Variants in ABCC4 observed in about 807,000 individuals in gnomAD.
The protein encoded by ABCC4 is ATP binding cassette subfamily C member 4 (PEL blood group).
A neutral mutation model predicts 168.5 loss-of-function variants in ABCC4; 102 were observed. The ratio of observed to expected loss-of-function variants is 0.61; its 90% CI spans 0.52 to 0.71. ABCC4 has a LOEUF of 0.71. Among genes scored for constraint, ABCC4 ranks in the 30% least tolerant of loss-of-function variants. ABCC4 has a pLI of 0.00. For missense variants in ABCC4, 1,402 were observed against 1,605.8 expected (o/e 0.87, Z 2.17); for synonymous variants, 617 against 590.7 (o/e 1.04, Z -0.65).
rs146558481 is a variant in ABCC4 at position 95,255,492 on chromosome 13, G to A, written c.75-7739C>T. On this transcript the variant is annotated intron_variant, in intron 1 of 30. Transcript: ENST00000645237. ...CAGGCATCGCTGGAATGGATCTCGCGTGAGGGTAGAGCACCCACACCACAG... is the reference window on the plus strand; with the variant it reads ...CAGGCATCGCTGGAATGGATCTCGCATGAGGGTAGAGCACCCACACCACAG... 9.1e-4 allele frequency among the ~76,000 whole-genome samples: 138 copies of A among 152,238 alleles called. 1 individual carries two copies. Among genetic ancestry groups the A allele is most frequent in the African/African-American group, 2.9e-3 (120 of 41,536 alleles).
chr13:95,104,944 C>T (rs1028128611), intron 20 of ABCC4, among the ~76,000 whole-genome samples: 4 of 152,056 alleles, frequency 2.6e-5, no homozygotes, highest in Admixed American at 2.6e-4. Flanking sequence ...CCATGGATGG[C>T]GATGGAGGTA....
At chr13:95,231,549 C>A (rs1445591432) in intron 4 of ABCC4, among the ~76,000 whole-genome samples, 1 of 152,192 alleles carries the variant, frequency 6.6e-6, no homozygotes, top group Non-Finnish European at 1.5e-5. Context: ...CAGAGTCCTG[C>A]TGCAGAGCCA....
In ABCC4 at chr13:95,170,516, T is replaced by C; in HGVS notation, c.1824+16A>G. 6.3e-7 allele frequency: 1 copy of C among 1,576,148 alleles called. No individual in the cohort carries two copies. The highest frequency in any genetic ancestry group is 1.1e-5 in the South Asian group (1 of 88,114). On this transcript the variant is annotated intron_variant, in intron 14 of 30. Transcript: ENST00000645237. The stretch of plus-strand genomic sequence containing the variant: ...CAAGTACTTGCAAGTTCGGGAGACC[T>C]CTAGAAACTACTTACATCTTTCAAT...
Position 95,021,618 on chromosome 13 carries a change from T to G in ABCC4, c.3935A>C (p.Asn1312Thr). The change falls in exon 31 of 31, where the codon AAT becomes ACT. Residue 1312 changes from asparagine to threonine, a missense_variant. Physicochemically the swap from Asn to Thr is moderately conservative, Grantham distance 65. Coordinates refer to ENST00000645237, the MANE Select transcript of ABCC4 (RefSeq NM_005845.5). ...HTDHMVTNTS[N>T]GQPSTLTIFE... ...AATAGTTAAGGTCGAGGGCTGTCCA[T>G]TGGAAGTGTTTGTAACCATGTGGTC... The G allele has an allele frequency of 6.2e-7, 1 of 1,613,504 alleles. No individual in the cohort carries two copies. The highest frequency in any genetic ancestry group is 1.1e-5 in the South Asian group (1 of 91,058).
At chr13:95,294,450 A>G (rs1367491559) in intron 1 of ABCC4, among the ~76,000 whole-genome samples, 3 of 152,110 alleles carry the variant, frequency 2.0e-5, no homozygotes, top group Non-Finnish European at 4.4e-5. Flanking sequence ...AACACCATAC[A>G]TTTACTCCTA....
chr13:95,054,991 TA>T lies in ABCC4; in HGVS notation c.3367-1808del, dbSNP rs1045003623. Among the ~76,000 whole-genome samples, 85 of 152,208 alleles carry T rather than the reference TA, an allele frequency of 5.6e-4. 2 individuals are homozygous for T. The highest frequency in any genetic ancestry group is 1.9e-3 in the African/African-American group (78 of 41,524). ...CAAAATGCAAAAATGGAAACGACGG[TA>T]AAATGGGCACTTTGTGTGTATAAAG... On this transcript the variant is annotated intron_variant, in intron 26 of 30. Coordinates refer to ENST00000645237, the MANE Select transcript of ABCC4 (RefSeq NM_005845.5).
chr13:95,118,445 C>T (rs1353670839), intron 19 of ABCC4, among the ~76,000 whole-genome samples: 1 of 152,000 alleles, frequency 6.6e-6, no homozygotes, highest in Non-Finnish European at 1.5e-5. Context: ...GGTTTCACCA[C>T]GTTGGTCAGG....
intron 4 of ABCC4, among the ~76,000 whole-genome samples, chr13:95,230,399 T>G (rs536676810): frequency 6.6e-6 from 1 of 152,338 alleles, no homozygotes; most frequent in East Asian, 1.9e-4. Context: ...AAAAACAGTA[T>G]GATGGTTCCT....
Position 95,075,650 on chromosome 13 carries a change from G to A in ABCC4, c.2687-99C>T, listed in dbSNP as rs2033874511. ...GTCACGTATCCACCAAACAGCACAC[G>A]CAGGCCTCCTAGGAGGCTTCATGTT... On this transcript the variant is annotated intron_variant, in intron 21 of 30. Coordinates refer to ENST00000645237, the MANE Select transcript of ABCC4 (RefSeq NM_005845.5). 7.3e-6 allele frequency: 11 copies of A among 1,504,162 alleles called. No individual in the cohort carries two copies. The Admixed American group carries it at 1.0e-4, about 14-fold the overall frequency. The allele number at this position is 1,504,162 out of a possible 1,614,324, so 93.2% of individuals were successfully genotyped here.
chr13:95,183,221 C>T (rs1309808052), intron 11 of ABCC4, among the ~76,000 whole-genome samples: 1 of 152,102 alleles, frequency 6.6e-6, no homozygotes, highest in Non-Finnish European at 1.5e-5. Context: ...TTGCATTTTA[C>T]AGACATTGCC....
intron 4 of ABCC4, among the ~76,000 whole-genome samples, chr13:95,227,963 G>GC (rs2039511927): frequency 6.6e-6 from 1 of 152,164 alleles, no homozygotes. Context: ...ACCCACCTTG[G>GC]CCTCCCATAG....
At chr13:95,066,105 C>T (rs1209865367) in intron 25 of ABCC4, among the ~76,000 whole-genome samples, 2 of 152,210 alleles carry the variant, frequency 1.3e-5, no homozygotes, top group East Asian at 3.8e-4. Flanking sequence ...GTGTTATTCA[C>T]CTGGTAGTTC....
At chr13:95,052,986 C>G in intron 27 of ABCC4, 109 bp downstream of exon 27, 5 of 924,846 alleles carry the variant, frequency 5.4e-6, no homozygotes, top group Non-Finnish European at 8.7e-6. Flanking sequence ...GGGTGGTGAA[C>G]AAAGTTAGTT....
Position 95,217,460 on chromosome 13 carries a change from G to A in ABCC4, c.532-6679C>T, listed in dbSNP as rs186574933. Among the ~76,000 whole-genome samples the A allele has an allele frequency of 1.6e-3, 248 of 152,250 alleles. 1 individual carries two copies. Among genetic ancestry groups the A allele is most frequent in the African/African-American group, 5.7e-3 (235 of 41,558 alleles). ...TAAAACAGAAGATGCGGCTGGGCAC[G>A]GTGGCTCATGCCTGTAATCCTAGCA... On this transcript the variant is annotated intron_variant, in intron 4 of 30. Transcript: ENST00000645237.
chr13:95,196,972 C>T (rs2038474703), intron 8 of ABCC4, among the ~76,000 whole-genome samples: 1 of 152,154 alleles, frequency 6.6e-6, no homozygotes, highest in Admixed American at 6.5e-5. Flanking sequence ...CAGTCACACT[C>T]CCAAAGTAGC....
intron 1 of ABCC4, 60 bp from the exon 2 acceptor site, chr13:95,247,813 C>A (rs756343609): frequency 3.2e-5 from 44 of 1,386,530 alleles, no homozygotes; most frequent in Non-Finnish European, 4.2e-5. Context: ...TAAGTAGACT[C>A]CTACCTCCAT....
intron 3 of ABCC4, among the ~76,000 whole-genome samples, chr13:95,235,955 C>T (rs182609396): frequency 6.6e-6 from 1 of 152,178 alleles, no homozygotes; most frequent in South Asian, 2.1e-4. Context: ...ATCATCTTTT[C>T]CCCAAGGCAA....
At chr13:95,093,021 A>G (rs1271592995) in intron 20 of ABCC4, among the ~76,000 whole-genome samples, 1 of 152,158 alleles carries the variant, frequency 6.6e-6, no homozygotes, top group Non-Finnish European at 1.5e-5. Flanking sequence ...ACAGACCAAT[A>G]ACAAGCAGCA....
intron 1 of ABCC4, among the ~76,000 whole-genome samples, chr13:95,273,656 G>A (rs1039876462): frequency 6.6e-6 from 1 of 152,100 alleles, no homozygotes; most frequent in Non-Finnish European, 1.5e-5. Context: ...ATATGGCTCT[G>A]TGTCCCCACC....
Sources: gnomAD v4.1 joint callset for allele counts (sites outside exome capture counted in the v4.1 genomes callset) on GRCh38, gnomAD v4.1.1 for gene constraint, MANE v1.5 for transcripts, NCBI Gene and HGNC (gene_info 2026-07-23, HGNC 2026-07-21) for gene names.